CCDC150: variants seen among roughly 807,000 people sequenced by gnomAD.
CCDC150 encodes coiled-coil domain containing 150.
Under a neutral mutation model 156.5 loss-of-function variants are expected in CCDC150, and 151 were observed. The observed-to-expected ratio is 0.97, with a 90% CI of 0.85 to 1.10. The LOEUF (loss-of-function observed/expected upper bound fraction) is 1.10. Ranked by LOEUF, CCDC150 falls within the 50% of genes least tolerant of loss-of-function variation. The pLI, the probability that CCDC150 is intolerant of heterozygous loss-of-function variation, is 0.00. For missense variants in CCDC150, 1,312 were observed against 1,268.1 expected, an observed-to-expected ratio of 1.03 and a Z score of -0.53; for synonymous variants, 452 against 429.4, an observed-to-expected ratio of 1.05 and a Z score of -0.65.
intron 17 of CCDC150, chr2:196,713,677 G>A: frequency 7.1e-7 from 1 of 1,410,214 alleles, no homozygotes; most frequent in Non-Finnish European, 9.3e-7. Context: ...TTCTTAAACA[G>A]GACTCGGTAA....
intron 15 of CCDC150, among the ~76,000 whole-genome samples, chr2:196,703,292 A>G (rs746061741): frequency 5.3e-5 from 8 of 152,356 alleles, no homozygotes; most frequent in Non-Finnish European, 1.5e-5. Flanking sequence ...CAGGCCATCT[A>G]AAAGGTAGTC....
intron 1 of CCDC150, among the ~76,000 whole-genome samples, chr2:196,641,044 G>C (rs1436612319): frequency 6.6e-6 from 1 of 152,130 alleles, no homozygotes; most frequent in African/African-American, 2.4e-5. Flanking sequence ...CTCACTGCAA[G>C]CTCCGCCTCC....
chr2:196,727,058 T>C (rs930523904), intron 22 of CCDC150: 2 of 152,118 alleles, frequency 1.3e-5, no homozygotes, highest in Non-Finnish European at 2.9e-5. Flanking sequence ...CCAAGCAAAG[T>C]AGTTCAGTTG....
intron 15 of CCDC150, among the ~76,000 whole-genome samples, chr2:196,702,398 A>T (rs1028080920): frequency 6.9e-6 from 1 of 145,574 alleles, no homozygotes; most frequent in Non-Finnish European, 1.5e-5. Context: ...TCACTCTCTC[A>T]TCCAGGCTGG....
chr2:196,695,883 A>T (rs995564774), intron 14 of CCDC150, among the ~76,000 whole-genome samples: 1 of 152,218 alleles, frequency 6.6e-6, no homozygotes, highest in East Asian at 1.9e-4. Context: ...GTAGCTAATA[A>T]TTTTCTTGTG....
intron 5 of CCDC150, among the ~76,000 whole-genome samples, chr2:196,664,245 A>T (rs897082324): frequency 6.6e-6 from 1 of 152,208 alleles, no homozygotes; most frequent in African/African-American, 2.4e-5. Context: ...ACCTGAAGAC[A>T]GGTGAGGACT....
intron 15 of CCDC150, among the ~76,000 whole-genome samples, 158 bp from the exon 16 acceptor site, chr2:196,711,987 T>G (rs564201358): frequency 6.6e-6 from 1 of 152,076 alleles, no homozygotes; most frequent in South Asian, 2.1e-4. Flanking sequence ...TTAGGATTGC[T>G]TTTTGCAAGT....
chr2:196,678,125 A>C (rs1559236067), intron 13 of CCDC150, among the ~76,000 whole-genome samples: 1 of 152,258 alleles, frequency 6.6e-6, no homozygotes, highest in Non-Finnish European at 1.5e-5. Context: ...CCTTATTAAA[A>C]TTAAACAAGA....
chr2:196,655,086 G>A (rs1344568386), intron 2 of CCDC150, among the ~76,000 whole-genome samples: 1 of 152,216 alleles, frequency 6.6e-6, no homozygotes. Context: ...TCCTCAGGGT[G>A]AAGCTGAGAG....
At chr2:196,679,873 G>A (rs1165119921) in intron 13 of CCDC150, among the ~76,000 whole-genome samples, 2 of 152,096 alleles carry the variant, frequency 1.3e-5, no homozygotes, top group Non-Finnish European at 2.9e-5. Context: ...ATAATATTGA[G>A]CTTCTTTTCA....
chr2:196,723,818 A>T (rs1481909725), intron 21 of CCDC150, among the ~76,000 whole-genome samples: 2 of 152,144 alleles, frequency 1.3e-5, no homozygotes, highest in East Asian at 3.9e-4. Flanking sequence ...GATATAGAAG[A>T]TCACAAAGAG....
Position 196,720,623 on chromosome 2 carries a change from G to C in CCDC150, c.2214G>C (p.Gln738His). Residue 738 changes from glutamine (Q) to histidine (H), a missense_variant, in exon 20 of 28, where the codon CAG becomes CAC. Coordinates refer to ENST00000389175, the MANE Select transcript of CCDC150 (RefSeq NM_001080539.2). ...AGAAGCTGGAAGCTGAAGTGGACCA[G>C]TGGCAGGCCAGGATGCTTGTCATGG... ...RVQKLEAEVD[Q>H]WQARMLVMED... The C allele has an allele frequency of 1.9e-6, 3 of 1,613,942 alleles. No individual in the cohort carries two copies. Among genetic ancestry groups the C allele is most frequent in the East Asian group, 2.2e-5 (1 of 44,866 alleles).
chr2:196,665,515 G>C, intron 5 of CCDC150, 52 bp from the exon 6 acceptor site: 1 of 1,073,674 alleles, frequency 9.3e-7, no homozygotes, highest in Non-Finnish European at 1.4e-6. Flanking sequence ...TTTGATCTTT[G>C]TTAAACTAGT....
intron 8 of CCDC150, 84 bp downstream of exon 8, chr2:196,669,960 G>A (rs551655283): frequency 4.2e-5 from 40 of 962,640 alleles, no homozygotes; most frequent in Non-Finnish European, 6.1e-5. Context: ...GGCTTACAGT[G>A]CTTCTTACTC....
chr2:196,712,604 C>A, intron 16 of CCDC150, 73 bp from the exon 17 acceptor site: 1 of 964,020 alleles, frequency 1.0e-6, no homozygotes, highest in Non-Finnish European at 1.6e-6. Context: ...GTGAGAAATG[C>A]TTTCATAAAG....
intron 13 of CCDC150, among the ~76,000 whole-genome samples, chr2:196,679,079 G>T (rs1351828310): frequency 2.6e-5 from 4 of 152,164 alleles, no homozygotes; most frequent in Admixed American, 2.6e-4. Flanking sequence ...AAATGATAGT[G>T]CTTATAGAGA....
chr2:196,670,055 G>C (rs17271274), intron 8 of CCDC150, among the ~76,000 whole-genome samples, 179 bp downstream of exon 8: 2,631 of 152,256 alleles, frequency 0.017, 29 homozygotes, highest in Non-Finnish European at 0.027. Context: ...ATCATTTCAT[G>C]AAGGTTATTA....
At chr2:196,715,569 T>C (rs185934978) in intron 17 of CCDC150, among the ~76,000 whole-genome samples, 5 of 152,336 alleles carry the variant, frequency 3.3e-5, no homozygotes, top group African/African-American at 4.8e-5. Context: ...CCATCCAAAA[T>C]AGTTTGATGA....
rs1217506393 is a variant in CCDC150 at position 196,657,124 on chromosome 2, C to T, written c.564C>T (p.Ala188=). 4 of 1,613,610 alleles carry T rather than the reference C, an allele frequency of 2.5e-6. No individual in the cohort carries two copies. The highest frequency in any genetic ancestry group is 1.1e-5 in the South Asian group (1 of 91,014). Residue 188 remains alanine, a synonymous_variant, in exon 4 of 28, where the codon GCC becomes GCT. Coordinates refer to ENST00000389175, the MANE Select transcript of CCDC150 (RefSeq NM_001080539.2). Reference sequence around the variant, plus strand: ...GGTTGACTGCCACTCTGAAGATTGCCTCGCAGACAAAGGTTTGAGTCTAAG... The same window carrying T: ...GGTTGACTGCCACTCTGAAGATTGCTTCGCAGACAAAGGTTTGAGTCTAAG... ...VQRLTATLKI[A]SQTKKNAAII... is the part of the protein sequence containing the mutation.
Sources: gnomAD v4.1 joint callset for allele counts (sites outside exome capture counted in the v4.1 genomes callset) on GRCh38, gnomAD v4.1.1 for gene constraint, MANE v1.5 for transcripts, NCBI Gene and HGNC (gene_info 2026-07-23, HGNC 2026-07-21) for gene names.